Variants in TG observed in about 807,000 individuals in gnomAD.
TG encodes thyroglobulin.
A neutral mutation model predicts 324.7 loss-of-function variants in TG; 270 were observed. The ratio of observed to expected loss-of-function variants is 0.83; its 90% CI spans 0.75 to 0.92. The LOEUF (loss-of-function observed/expected upper bound fraction) is 0.92. TG is among the 40% of genes least tolerant of loss of function. TG has a pLI of 0.00. For missense variants in TG, 3,591 were observed against 3,456.4 expected (o/e 1.04, Z -0.98); for synonymous variants, 1,401 against 1,327.0 (o/e 1.06, Z -1.21).
At chr8:132,965,394 T>C (rs560622717) in intron 29 of TG, among the ~76,000 whole-genome samples, 18 of 152,282 alleles carry the variant, frequency 1.2e-4, no homozygotes, top group Admixed American at 3.3e-4. Context: ...CTTTATGAAG[T>C]GTGGAAAATG....
Position 132,941,514 on chromosome 8 carries a change from T to C in TG, c.5205T>C (p.Asp1735=). 1 of 1,614,232 alleles carries C rather than the reference T, an allele frequency of 6.2e-7. No homozygotes were observed. The highest frequency in any genetic ancestry group is 8.5e-7 in the Non-Finnish European group (1 of 1,180,034). The change falls in exon 26 of 48, where the codon GAT becomes GAC. Residue 1735 remains aspartate, a synonymous_variant. Transcript: ENST00000220616. Reference sequence around the variant, plus strand: ...CATGCGACCGTGATCTGTGTTGCGATGGCTTCGTCCTCACACAGGTTCAAG... The same window carrying C: ...CATGCGACCGTGATCTGTGTTGCGACGGCTTCGTCCTCACACAGGTTCAAG... ...LLACDRDLCC[D]GFVLTQVQGG...
At chr8:133,059,283 T>C in intron 41 of TG, 4 of 373,412 alleles carry the variant, frequency 1.1e-5, no homozygotes, top group South Asian at 7.8e-5. Context: ...TCCCTAACCG[T>C]CCCTTTCCCA....
Position 132,887,327 on chromosome 8 carries a change from G to C in TG, c.1955G>C (p.Arg652Thr). The stretch of plus-strand genomic sequence containing the variant: ...AAAGAGCTTCCAGGCTCAAGAGTCA[G>C]AGGTGGACAGCCAAGGTGCCCCACA... ...WGKELPGSRV[R>T]GGQPRCPTDC... Residue 652 changes from arginine (R) to threonine (T), a missense_variant, in exon 9 of 48, where the codon AGA (arginine) becomes ACA (threonine). Coordinates refer to ENST00000220616, the MANE Select transcript of TG (RefSeq NM_003235.5). 6.2e-7 allele frequency: 1 copy of C among 1,611,162 alleles called. No individual in the cohort carries two copies. The highest frequency in any genetic ancestry group is 8.5e-7 in the Non-Finnish European group (1 of 1,177,574).
At chr8:132,918,339 G>A (rs966608545) in intron 20 of TG, among the ~76,000 whole-genome samples, 1 of 152,046 alleles carries the variant, frequency 6.6e-6, no homozygotes, top group Non-Finnish European at 1.5e-5. Context: ...GAATTTGGAG[G>A]CCACTTGAAA....
intron 41 of TG, among the ~76,000 whole-genome samples, chr8:133,053,383 G>A (rs535617964): frequency 6.6e-6 from 1 of 152,324 alleles, no homozygotes; most frequent in East Asian, 1.9e-4. Context: ...TACAAAGGAT[G>A]CTCAAAGCAG....
chr8:133,106,333 A>C (rs1212817126), intron 43 of TG: 1 of 900,398 alleles, frequency 1.1e-6, no homozygotes. Flanking sequence ...TCGGCTCCTT[A>C]CTGAGGCTCT....
At chr8:132,888,599 G>A (rs1432596981) in intron 10 of TG, 31 bp downstream of exon 10, 2 of 1,459,980 alleles carry the variant, frequency 1.4e-6, no homozygotes, top group Non-Finnish European at 1.8e-6. Flanking sequence ...AGTTAAATGT[G>A]TGTGTGTGTG....
At chr8:132,966,446 T>C (rs1828567740) in intron 29 of TG, 114 bp from the exon 30 acceptor site, 1 of 1,332,900 alleles carries the variant, frequency 7.5e-7, no homozygotes, top group Non-Finnish European at 1.0e-6. Context: ...CTCTGACACT[T>C]TCTCTCTCTG....
intron 41 of TG, among the ~76,000 whole-genome samples, chr8:133,053,547 A>C (rs997752916): frequency 6.6e-6 from 1 of 152,154 alleles, no homozygotes; most frequent in Non-Finnish European, 1.5e-5. Flanking sequence ...CTTGCAAAAA[A>C]CGTGTTGAAA....
chr8:133,022,895 C>G (rs1835687194), intron 40 of TG, among the ~76,000 whole-genome samples: 1 of 152,230 alleles, frequency 6.6e-6, no homozygotes, highest in Admixed American at 6.5e-5. Flanking sequence ...TCCTTTCACC[C>G]AGTCTCAGTC....
intron 46 of TG, 35 bp downstream of exon 46, chr8:133,131,981 T>G (rs201850849): frequency 6.2e-7 from 1 of 1,613,766 alleles, no homozygotes; most frequent in Admixed American, 1.7e-5. Context: ...ATTCTGTCAC[T>G]GTGCTTTTCC....
At chr8:133,017,369 C>A (rs117885520) in intron 37 of TG, among the ~76,000 whole-genome samples, 2 of 152,008 alleles carry the variant, frequency 1.3e-5, no homozygotes, top group East Asian at 3.9e-4. Context: ...GATGAGTAAC[C>A]CACACATCTC....
At chr8:133,059,682 A>G (rs1435369770) in intron 41 of TG, among the ~76,000 whole-genome samples, 1 of 152,220 alleles carries the variant, frequency 6.6e-6, no homozygotes, top group Non-Finnish European at 1.5e-5. Context: ...GGGGCTAAGT[A>G]TAAGGATGAT....
At chr8:133,069,695 G>T (rs1321760049) in intron 41 of TG, among the ~76,000 whole-genome samples, 1 of 152,050 alleles carries the variant, frequency 6.6e-6, no homozygotes, top group East Asian at 1.9e-4. Context: ...AAATAAAAGG[G>T]AACAGTTAGA....
At chr8:132,891,123 A>T (rs1020038157) in intron 10 of TG, among the ~76,000 whole-genome samples, 1 of 150,904 alleles carries the variant, frequency 6.6e-6, no homozygotes, top group Non-Finnish European at 1.5e-5. Context: ...TAACTCATTG[A>T]AGATTGGGGT....
intron 41 of TG, chr8:133,050,618 C>T: frequency 1.9e-6 from 1 of 518,692 alleles, no homozygotes; most frequent in Non-Finnish European, 3.4e-6. Context: ...ATCTACCAGG[C>T]AGTGGGGAGC....
intron 37 of TG, among the ~76,000 whole-genome samples, chr8:133,015,150 G>A (rs915783025): frequency 6.6e-5 from 10 of 152,210 alleles, no homozygotes; most frequent in Admixed American, 4.6e-4. Context: ...TGGGATTATA[G>A]ATTTTAATAG....
chr8:132,950,762 A>T (rs951286409), intron 27 of TG, among the ~76,000 whole-genome samples: 29 of 152,256 alleles, frequency 1.9e-4, no homozygotes, highest in African/African-American at 6.5e-4. Flanking sequence ...CAGTAATACC[A>T]GTACCCATCT....
At chr8:133,037,156 C>T (rs1021159456) in intron 41 of TG, 2 of 152,144 alleles carry the variant, frequency 1.3e-5, no homozygotes, top group African/African-American at 2.4e-5. Context: ...AGCATGTTCC[C>T]CTCCTTCCCC....
Sources: allele counts gnomAD v4.1 joint callset (sites outside exome capture counted in the v4.1 genomes callset), GRCh38; gene constraint gnomAD v4.1.1; transcripts MANE v1.5; gene names NCBI Gene and HGNC (gene_info 2026-07-23, HGNC 2026-07-21).